The following ADAMTS18 variants were observed in gnomAD, a reference collection of about 807,000 sequenced individuals.
The protein encoded by ADAMTS18 is ADAM metallopeptidase with thrombospondin type 1 motif 18.
In ADAMTS18, 157 loss-of-function variants were observed where a neutral mutation model predicts 165.9. The observed-to-expected ratio is 0.95, with a 90% CI of 0.83 to 1.08. The LOEUF is 1.08. Ranked by LOEUF, ADAMTS18 falls within the 50% of genes least tolerant of loss-of-function variation. ADAMTS18 has a pLI of 0.00. For synonymous variants in ADAMTS18, 782 were observed against 578.2 expected (o/e 1.35, Z -5.06); for missense variants, 2,040 against 1,534.0 (o/e 1.33, Z -5.51).
intron 20 of ADAMTS18, among the ~76,000 whole-genome samples, chr16:77,292,185 G>A (rs2144567805): frequency 6.6e-6 from 1 of 152,250 alleles, no homozygotes; most frequent in East Asian, 1.9e-4. Flanking sequence ...GTATAGTGGT[G>A]CATGCCTCTA....
chr16:77,426,975 C>T (rs2057681468), intron 3 of ADAMTS18, among the ~76,000 whole-genome samples: 1 of 152,172 alleles, frequency 6.6e-6, no homozygotes, highest in South Asian at 2.1e-4. Context: ...GATTATACCA[C>T]TGTACTCAAG....
At chr16:77,405,129 C>A (rs922628320) in intron 3 of ADAMTS18, among the ~76,000 whole-genome samples, 1 of 152,142 alleles carries the variant, frequency 6.6e-6, no homozygotes. Flanking sequence ...CTTGAAGCAG[C>A]ACTTGGCCAC....
chr16:77,337,084 T>C (rs1597140042), intron 11 of ADAMTS18, among the ~76,000 whole-genome samples: 1 of 152,376 alleles, frequency 6.6e-6, no homozygotes, highest in East Asian at 1.9e-4. Flanking sequence ...TTGCTTCCTT[T>C]CTTCAAATTC....
intron 16 of ADAMTS18, among the ~76,000 whole-genome samples, chr16:77,313,705 C>G (rs1179516582): frequency 6.6e-6 from 1 of 152,144 alleles, no homozygotes; most frequent in Non-Finnish European, 1.5e-5. Context: ...TATTCAGGTT[C>G]ACTTTCAGCT....
chr16:77,321,245 A>G, intron 14 of ADAMTS18, 43 bp from the exon 15 acceptor site: 1 of 1,613,010 alleles, frequency 6.2e-7, no homozygotes, highest in Non-Finnish European at 8.5e-7. Flanking sequence ...AAGATCAGAG[A>G]AGCCAGAGGC....
At position 77,320,010 on chromosome 16, in the gene ADAMTS18, C is replaced by T. The variant is rs964484715; in HGVS notation, c.2371G>A (p.Val791Ile). Reference protein sequence around the residue: ...ELQVSSSYLAVRSLSQKYYLT... With the variant: ...ELQVSSSYLAIRSLSQKYYLT... Reference sequence around the variant, plus strand: ...TAATACTTTTGACTGAGGCTTCGAACTGCGAGGTAACTGGAGGAAACCTGC... The same window carrying T: ...TAATACTTTTGACTGAGGCTTCGAATTGCGAGGTAACTGGAGGAAACCTGC... Residue 791 changes from valine to isoleucine, a missense_variant, in exon 16 of 23, where the codon GTT (valine) becomes ATT (isoleucine). Coordinates refer to ENST00000282849, the MANE Select transcript of ADAMTS18 (RefSeq NM_199355.4). The T allele has an allele frequency of 3.2e-5, 52 of 1,614,032 alleles. No homozygotes were observed. The highest frequency in any genetic ancestry group is 4.2e-5 in the Non-Finnish European group (50 of 1,180,030).
At chr16:77,353,966 T>G (rs1486412155) in intron 9 of ADAMTS18, 80 bp from the exon 10 acceptor site, 1 of 1,544,380 alleles carries the variant, frequency 6.5e-7, no homozygotes, top group African/African-American at 1.4e-5. Flanking sequence ...TCTGAATGCA[T>G]TCATGCAAAG....
At chr16:77,320,934 T>C in intron 15 of ADAMTS18, 145 bp downstream of exon 15, 1 of 1,014,730 alleles carries the variant, frequency 9.9e-7, no homozygotes, top group Admixed American at 1.7e-5. Context: ...ACTATCTCCC[T>C]TACTCTTGCA....
chr16:77,304,019 C>T (rs977375199), intron 16 of ADAMTS18, among the ~76,000 whole-genome samples: 3 of 151,118 alleles, frequency 2.0e-5, no homozygotes, highest in South Asian at 4.2e-4. Flanking sequence ...GACAGAGCAA[C>T]ACTCCATCTC....
intron 3 of ADAMTS18, among the ~76,000 whole-genome samples, chr16:77,398,512 C>T (rs1193581060): frequency 6.6e-6 from 1 of 152,116 alleles, no homozygotes; most frequent in Non-Finnish European, 1.5e-5. Flanking sequence ...GAGAGCAACC[C>T]ACCACCTTTG....
At chr16:77,397,972 A>G (rs1279937706) in intron 3 of ADAMTS18, among the ~76,000 whole-genome samples, 1 of 152,118 alleles carries the variant, frequency 6.6e-6, no homozygotes, top group Non-Finnish European at 1.5e-5. Flanking sequence ...TGAGTTTGGG[A>G]CACCCAATAT....
chr16:77,431,304 A>C lies in ADAMTS18; in HGVS notation c.486T>G (p.Cys162Trp). ...ACTGGGGTGTACTTACCAAGCCAGC[A>C]CACGTAGACACAGCGACAGAGGAGG... ...DSSSSVAVST[C>W]AGLSGLIRTR... is the part of the protein sequence containing the mutation. The change falls in exon 3 of 23, where the codon TGT becomes TGG. Residue 162 changes from cysteine (C) to tryptophan (W), a missense_variant. Coordinates refer to ENST00000282849, the MANE Select transcript of ADAMTS18 (RefSeq NM_199355.4). 1 of 1,614,182 alleles carries C rather than the reference A, an allele frequency of 6.2e-7. No individual in the cohort carries two copies. Among genetic ancestry groups the C allele is most frequent in the Non-Finnish European group, 8.5e-7 (1 of 1,180,040 alleles).
rs769428621 is a variant in ADAMTS18, at chr16:77,431,258, G to T, written c.495+37C>A. The T allele has an allele frequency of 1.9e-6, 3 of 1,612,096 alleles. No homozygotes were observed. In the South Asian group the frequency reaches 3.3e-5, roughly 18 times the overall value. ...TGTTCATTCAAGTTACACAAAACACGAAAGAGGGAGCTCAACTCAGACTGG... is the reference window on the plus strand; with the variant it reads ...TGTTCATTCAAGTTACACAAAACACTAAAGAGGGAGCTCAACTCAGACTGG... On this transcript the variant is annotated intron_variant, in intron 3 of 22. Coordinates refer to ENST00000282849, the MANE Select transcript of ADAMTS18 (RefSeq NM_199355.4).
At chr16:77,340,003 T>A (rs1008619633) in intron 11 of ADAMTS18, among the ~76,000 whole-genome samples, 1 of 152,198 alleles carries the variant, frequency 6.6e-6, no homozygotes, top group Non-Finnish European at 1.5e-5. Context: ...AACAACCATC[T>A]TGATGCATGT....
In ADAMTS18 at chr16:77,353,952, C is replaced by G. The variant is rs1444633992; in HGVS notation, c.1461-66G>C. 1.9e-6 allele frequency: 3 copies of G among 1,592,430 alleles called. No individual in the cohort carries two copies. In the African/African-American group the frequency reaches 4.0e-5, roughly 21 times the overall value. On this transcript the variant is annotated intron_variant, in intron 9 of 22. Transcript: ENST00000282849. ...TGTGATCTTTCCATTTACGACAACACACTTCTGAATGCATTCATGCAAAGA... is the reference window on the plus strand; with the variant it reads ...TGTGATCTTTCCATTTACGACAACAGACTTCTGAATGCATTCATGCAAAGA...
At chr16:77,368,782 T>C (rs1333695094) in intron 3 of ADAMTS18, among the ~76,000 whole-genome samples, 2 of 152,032 alleles carry the variant, frequency 1.3e-5, no homozygotes, top group Non-Finnish European at 2.9e-5. Context: ...AAGGCATGAG[T>C]GATGTGATCT....
At chr16:77,312,917 CA>C (rs1360207464) in intron 16 of ADAMTS18, among the ~76,000 whole-genome samples, 2 of 152,182 alleles carry the variant, frequency 1.3e-5, no homozygotes, top group East Asian at 3.9e-4. Flanking sequence ...CTAGAAATAC[CA>C]TTTGACCCCG....
chr16:77,309,292 T>C lies in ADAMTS18; in HGVS notation c.2533-8888A>G, dbSNP rs547792462. On this transcript the variant is annotated intron_variant, in intron 16 of 22. Coordinates refer to ENST00000282849, the MANE Select transcript of ADAMTS18 (RefSeq NM_199355.4). ...TATCTCCTTTTCTCCAAGTCACTTA[T>C]ATGCATATATGTGTACGTATTTCAA... is the stretch of plus-strand genomic sequence containing the variant. Among the ~76,000 whole-genome samples, 396 of 152,292 alleles carry C rather than the reference T, an allele frequency of 2.6e-3. 2 individuals are homozygous for C. Among genetic ancestry groups the C allele is most frequent in the Non-Finnish European group, 4.2e-3 (287 of 68,026 alleles).
At chr16:77,395,897 C>A (rs2031969307) in intron 3 of ADAMTS18, among the ~76,000 whole-genome samples, 4 of 152,108 alleles carry the variant, frequency 2.6e-5, no homozygotes, top group Admixed American at 2.6e-4. Flanking sequence ...CACTGCTACT[C>A]CAAGCTTCAA....
Sources: gnomAD v4.1 joint callset for allele counts (sites outside exome capture counted in the v4.1 genomes callset) on GRCh38, gnomAD v4.1.1 for gene constraint, MANE v1.5 for transcripts, NCBI Gene and HGNC (gene_info 2026-07-23, HGNC 2026-07-21) for gene names.